NRXN1: variants seen among roughly 807,000 people sequenced by gnomAD.
NRXN1 encodes the protein neurexin-1.
Under a neutral mutation model 150.9 loss-of-function variants are expected in NRXN1, and 39 were observed. That is an observed-to-expected ratio of 0.26 (90% CI 0.20 to 0.34). NRXN1 has a LOEUF of 0.34. Ranked by LOEUF, NRXN1 falls within the 10% of genes least tolerant of loss-of-function variation. The pLI is 1.00. For synonymous variants in NRXN1, 924 were observed against 757.0 expected, an observed-to-expected ratio of 1.22 and a Z score of -3.62; for missense variants, 1,815 against 1,949.9, an observed-to-expected ratio of 0.93 and a Z score of 1.30.
chr2:51,014,200 C>G (rs373108640), intron 2 of NRXN1, among the ~76,000 whole-genome samples: 27 of 151,942 alleles, frequency 1.8e-4, no homozygotes, highest in African/African-American at 6.3e-4. Flanking sequence ...TTGGAACTAG[C>G]CTTTGGAAGA....
chr2:50,142,599 A>G (rs1707438281), intron 18 of NRXN1, among the ~76,000 whole-genome samples: 1 of 151,928 alleles, frequency 6.6e-6, no homozygotes, highest in Non-Finnish European at 1.5e-5. Flanking sequence ...AAAAATGTAT[A>G]TCAATTAAAA....
At chr2:50,803,528 C>T (rs983076008) in intron 5 of NRXN1, among the ~76,000 whole-genome samples, 1 of 152,136 alleles carries the variant, frequency 6.6e-6, no homozygotes, top group Non-Finnish European at 1.5e-5. Context: ...ATGTATAAAT[C>T]GTGCAATAAC....
intron 18 of NRXN1, among the ~76,000 whole-genome samples, chr2:50,201,355 A>C (rs188608355): frequency 1.3e-5 from 2 of 152,282 alleles, no homozygotes; most frequent in South Asian, 4.1e-4. Context: ...ACTGTTGTCA[A>C]TGTTTAAAAA....
intron 2 of NRXN1, among the ~76,000 whole-genome samples, chr2:50,984,130 G>T (rs1697295656): frequency 7.5e-6 from 1 of 132,492 alleles, no homozygotes; most frequent in South Asian, 2.4e-4. Context: ...GCCACGCCAG[G>T]CTAATTTTTT....
chr2:49,988,286 T>A (rs1047639669), intron 21 of NRXN1, among the ~76,000 whole-genome samples: 2 of 151,456 alleles, frequency 1.3e-5, no homozygotes, highest in Middle Eastern at 3.2e-3. Context: ...ACCTTGGTAA[T>A]CAGATAATTA....
intron 5 of NRXN1, among the ~76,000 whole-genome samples, chr2:50,804,312 A>G (rs1349129297): frequency 3.9e-5 from 6 of 152,172 alleles, no homozygotes; most frequent in Non-Finnish European, 7.4e-5. Flanking sequence ...AAGAGCTACC[A>G]TTTATTCAAT....
At chr2:50,054,257 A>T (rs75541988) in intron 20 of NRXN1, among the ~76,000 whole-genome samples, 1 of 146,920 alleles carries the variant, frequency 6.8e-6, no homozygotes, top group Admixed American at 6.8e-5. Flanking sequence ...AAAAAAAAAA[A>T]TAGCTTCAGA....
At chr2:50,708,120 G>T (rs1158921228) in intron 5 of NRXN1, among the ~76,000 whole-genome samples, 3 of 152,078 alleles carry the variant, frequency 2.0e-5, no homozygotes, top group African/African-American at 7.2e-5. Context: ...TCCTAAGCTG[G>T]CCAACACTCA....
intron 17 of NRXN1, among the ~76,000 whole-genome samples, chr2:50,322,514 G>C (rs928488553): frequency 2.0e-5 from 3 of 152,068 alleles, no homozygotes; most frequent in Non-Finnish European, 2.9e-5. Flanking sequence ...AATTTTTCAG[G>C]TGATAACTGT....
chr2:50,828,604 A>G lies in NRXN1; in HGVS notation c.832+93265T>C, dbSNP rs951033348. Among the ~76,000 whole-genome samples, 764 of 145,762 alleles carry G rather than the reference A, an allele frequency of 5.2e-3. 8 individuals carry two copies. Among genetic ancestry groups the G allele is most frequent in the African/African-American group, 0.018 (712 of 38,654 alleles). Reference sequence around the variant, plus strand: ...ACATCCCAGACAGGGCGGTGGGGCAAAGGCGCTCCCCACATCTCAGAAGAT... The same window carrying G: ...ACATCCCAGACAGGGCGGTGGGGCAGAGGCGCTCCCCACATCTCAGAAGAT... On this transcript the variant is annotated intron_variant, in intron 5 of 22. Transcript: ENST00000401669.
chr2:50,420,678 T>C (rs1022638259), intron 17 of NRXN1, among the ~76,000 whole-genome samples: 2 of 152,182 alleles, frequency 1.3e-5, no homozygotes, highest in South Asian at 4.1e-4. Flanking sequence ...TGTGATAAAG[T>C]ACAGCTCATG....
At chr2:50,519,387 A>G (rs907506820) in intron 12 of NRXN1, among the ~76,000 whole-genome samples, 3 of 151,938 alleles carry the variant, frequency 2.0e-5, no homozygotes, top group African/African-American at 7.2e-5. Context: ...ATTGAAAAAT[A>G]TTGGAATTAA....
chr2:50,752,238 T>C (rs1559211113), intron 5 of NRXN1, among the ~76,000 whole-genome samples: 2 of 152,008 alleles, frequency 1.3e-5, no homozygotes, highest in South Asian at 2.1e-4. Context: ...CTATCATTTA[T>C]ATTTGTACAA....
chr2:50,593,228 T>C (rs545703111), intron 8 of NRXN1, among the ~76,000 whole-genome samples: 64 of 152,218 alleles, frequency 4.2e-4, no homozygotes, highest in Non-Finnish European at 6.8e-4. Flanking sequence ...CCCAATCTTA[T>C]GTAAATGCAC....
At chr2:50,197,628 T>C (rs1318946901) in intron 18 of NRXN1, among the ~76,000 whole-genome samples, 4 of 152,166 alleles carry the variant, frequency 2.6e-5, no homozygotes, top group Non-Finnish European at 5.9e-5. Flanking sequence ...AACTTCCTTC[T>C]AGAGATGAGG....
At chr2:50,318,891 T>C (rs555903108) in intron 17 of NRXN1, among the ~76,000 whole-genome samples, 2 of 152,182 alleles carry the variant, frequency 1.3e-5, no homozygotes, top group South Asian at 2.1e-4. Context: ...GGCCACAAAG[T>C]TTTTCAATTT....
chr2:50,943,302 G>C lies in NRXN1; in HGVS notation c.773-17347C>G, dbSNP rs3922268. On this transcript the variant is annotated intron_variant, in intron 2 of 22. Transcript: ENST00000401669. ...TACGCGGACTTCACATGTTAGGCTA[G>C]TACAAAAGTAATGGTGGTTTTTGCA... is the stretch of plus-strand genomic sequence containing the variant. 5.1e-3 allele frequency among the ~76,000 whole-genome samples: 783 copies of C among 152,226 alleles called. 7 individuals carry two copies. The highest frequency in any genetic ancestry group is 0.018 in the African/African-American group (746 of 41,526).
chr2:49,959,303 A>T (rs563795413), intron 21 of NRXN1, among the ~76,000 whole-genome samples: 1 of 152,136 alleles, frequency 6.6e-6, no homozygotes, highest in Admixed American at 6.6e-5. Context: ...ACTGTCATTG[A>T]CTGCTTTGCT....
intron 5 of NRXN1, among the ~76,000 whole-genome samples, chr2:50,837,189 A>G (rs1037295716): frequency 6.6e-6 from 1 of 152,178 alleles, no homozygotes; most frequent in African/African-American, 2.4e-5. Context: ...AATGTATAAT[A>G]ATTCTTAAGA....
Sources: gnomAD v4.1 joint callset for allele counts (sites outside exome capture counted in the v4.1 genomes callset) on GRCh38, gnomAD v4.1.1 for gene constraint, MANE v1.5 for transcripts, NCBI Gene and HGNC (gene_info 2026-07-23, HGNC 2026-07-21) for gene names.